NAV1: variants seen among roughly 807,000 people sequenced by gnomAD.
NAV1 encodes neuron navigator 1, also known as pore membrane and/or filament interacting like protein 3.
A neutral mutation model predicts 175.2 loss-of-function variants in NAV1; 18 were observed. The observed-to-expected ratio is 0.10, with a 90% CI of 0.07 to 0.15. NAV1 has a LOEUF of 0.15. NAV1 is among the 10% of genes least tolerant of loss of function. The pLI is 1.00. For synonymous variants in NAV1, 897 were observed against 978.7 expected, an observed-to-expected ratio of 0.92 and a Z score of 1.56; for missense variants, 1,731 against 2,436.6, an observed-to-expected ratio of 0.71 and a Z score of 6.10.
intron 1 of NAV1, among the ~76,000 whole-genome samples, chr1:201,679,095 C>T (rs1350216864): frequency 2.0e-5 from 3 of 152,174 alleles, no homozygotes; most frequent in Admixed American, 6.5e-5. Flanking sequence ...GAAGCCCCCT[C>T]CTGCCTGACT....
At chr1:201,819,711 C>T in intron 29 of NAV1, 126 bp from the exon 34 acceptor site, 1 of 732,704 alleles carries the variant, frequency 1.4e-6, no homozygotes, top group East Asian at 2.6e-5. Context: ...TTGCAAACTC[C>T]TGGCTTCAAG....
intron 2 of NAV1, among the ~76,000 whole-genome samples, chr1:201,640,150 T>G (rs1668710032): frequency 6.6e-6 from 1 of 151,822 alleles, no homozygotes; most frequent in Non-Finnish European, 1.5e-5. Flanking sequence ...AGGAAGACAA[T>G]AAATCTCTCT....
At chr1:201,705,780 A>G (rs1224719866) in intron 1 of NAV1, among the ~76,000 whole-genome samples, 1 of 151,966 alleles carries the variant, frequency 6.6e-6, no homozygotes, top group Non-Finnish European at 1.5e-5. Flanking sequence ...GGATAGAGAG[A>G]GGGGATGGAG....
intron 1 of NAV1, among the ~76,000 whole-genome samples, chr1:201,559,868 C>G (rs1241278474): frequency 6.6e-6 from 1 of 152,202 alleles, no homozygotes; most frequent in Non-Finnish European, 1.5e-5. Flanking sequence ...CCAGCCCGAT[C>G]CCCACGCCCT....
intron 7 of NAV1, 38 bp from the exon 12 acceptor site, chr1:201,785,268 TTCTC>T: frequency 2.7e-6 from 4 of 1,494,824 alleles, no homozygotes; most frequent in African/African-American, 1.6e-5. Flanking sequence ...ACCCACATGC[TTCTC>T]TCTCTCTCTC....
intron 3 of NAV1, among the ~76,000 whole-genome samples, chr1:201,767,252 A>G (rs1675264466): frequency 6.6e-6 from 1 of 151,782 alleles, no homozygotes; most frequent in Non-Finnish European, 1.5e-5. Flanking sequence ...GGAGTTTGAG[A>G]CCAGCCTGGC....
intron 28 of NAV1, 74 bp from the exon 33 acceptor site, chr1:201,817,014 C>T: frequency 7.1e-7 from 1 of 1,404,292 alleles, no homozygotes; most frequent in Admixed American, 1.9e-5. Flanking sequence ...TTTGTAGGAA[C>T]TACCAAAAGA....
chr1:201,740,098 G>T lies in NAV1; in HGVS notation c.1226+21343G>T. 7 of 1,436,162 alleles carry T rather than the reference G, an allele frequency of 4.9e-6. No homozygotes were observed. Among genetic ancestry groups the T allele is most frequent in the Non-Finnish European group, 6.4e-6 (7 of 1,093,952 alleles). The allele number at this position is 1,436,162 out of a possible 1,614,324, so 89.0% of individuals were successfully genotyped here. ...GCAGGTAAGCGCCCCCACCCCCCTG[G>T]CCTCACCGCCAGACCGCAGAGCTGG... On this transcript the variant is annotated intron_variant, in intron 3 of 29. Transcript: ENST00000367296. This position sits in a 1 kb window ranked among gnomAD's most constrained non-coding sequence, Gnocchi z 4.7.
intron 3 of NAV1, among the ~76,000 whole-genome samples, chr1:201,762,184 C>T (rs1674906173): frequency 6.6e-6 from 1 of 151,934 alleles, no homozygotes; most frequent in Non-Finnish European, 1.5e-5. Flanking sequence ...ACAAAAAACC[C>T]AAAAAACTGA....
intron 1 of NAV1, among the ~76,000 whole-genome samples, chr1:201,574,025 C>T (rs1207373900): frequency 6.6e-6 from 1 of 151,468 alleles, no homozygotes; most frequent in African/African-American, 2.4e-5. Context: ...CGGCACTGCA[C>T]TCTAGCCTGG....
upstream of NAV1, chr1:201,648,226 G>T: frequency 3.0e-6 from 3 of 1,010,576 alleles, no homozygotes; most frequent in Non-Finnish European, 3.5e-6. Flanking sequence ...TGCGGCCGGG[G>T]CGCTGCCCGG....
intron 1 of NAV1, among the ~76,000 whole-genome samples, chr1:201,660,045 T>A (rs1571868673): frequency 1.3e-5 from 2 of 152,162 alleles, no homozygotes; most frequent in South Asian, 4.1e-4. Flanking sequence ...GTAGGTACTG[T>A]CCTGCTGTCT....
At chr1:201,720,957 T>C (rs989832869) in intron 3 of NAV1, among the ~76,000 whole-genome samples, 1 of 151,532 alleles carries the variant, frequency 6.6e-6, no homozygotes, top group Non-Finnish European at 1.5e-5. Context: ...TAATAGGCTG[T>C]GGGGGCATGG....
chr1:201,599,138 C>A (rs559912337), intron 2 of NAV1, among the ~76,000 whole-genome samples: 1 of 152,178 alleles, frequency 6.6e-6, no homozygotes, highest in Admixed American at 6.5e-5. Flanking sequence ...CCAGGTTGGG[C>A]CCCCCAGGAG....
intron 3 of NAV1, among the ~76,000 whole-genome samples, chr1:201,733,082 C>CA (rs1232947587): frequency 8.2e-5 from 12 of 145,950 alleles, no homozygotes; most frequent in African/African-American, 3.1e-4. Context: ...AAAACCAAAA[C>CA]AAAAAAGAAA....
intron 2 of NAV1, among the ~76,000 whole-genome samples, chr1:201,616,914 A>G (rs1387083942): frequency 6.6e-6 from 1 of 152,178 alleles, no homozygotes; most frequent in Non-Finnish European, 1.5e-5. Context: ...TGCAATTGCC[A>G]CAGCACCTGG....
At position 201,675,693 on chromosome 1, in the gene NAV1, A is replaced by T. The variant is rs568892726; in HGVS notation, c.757+26268A>T. Among the ~76,000 whole-genome samples, 37 of 152,312 alleles carry T rather than the reference A, an allele frequency of 2.4e-4. No homozygotes were observed. The Middle Eastern group carries it at 0.01, about 42-fold the overall frequency. The stretch of plus-strand genomic sequence containing the variant: ...GTGGGATGATGTTTAAAACAAAGCG[A>T]TGGAATTTGAGGGGTACAACCCCTA... On this transcript the variant is annotated intron_variant, in intron 1 of 29. Coordinates refer to ENST00000367296, the Ensembl canonical transcript of NAV1.
At chr1:201,737,630 G>A (rs1673170924) in intron 3 of NAV1, 1 of 152,200 alleles carries the variant, frequency 6.6e-6, no homozygotes, top group Non-Finnish European at 1.5e-5. Flanking sequence ...GGGCTGCGAG[G>A]GAATGTTCAG....
At chr1:201,639,244 G>A (rs1309296413) in intron 2 of NAV1, among the ~76,000 whole-genome samples, 13 of 152,242 alleles carry the variant, frequency 8.5e-5, no homozygotes, top group Non-Finnish European at 1.9e-4. Flanking sequence ...TGAGTACTGC[G>A]TGTTGGCCAG....
Sources: allele counts gnomAD v4.1 joint callset (sites outside exome capture counted in the v4.1 genomes callset), GRCh38; gene constraint gnomAD v4.1.1; non-coding constraint Gnocchi (gnomAD v3.1); transcripts MANE v1.5; gene names NCBI Gene and HGNC (gene_info 2026-07-23, HGNC 2026-07-21).